The following PCDH9 variants were observed in gnomAD, a reference collection of about 807,000 sequenced individuals.
PCDH9 encodes the protein protocadherin 9, also known as protocadherin-9.
PCDH9 carries 24 observed loss-of-function variants against 70.6 expected under a neutral mutation model. The observed-to-expected ratio is 0.34, with a 90% CI of 0.25 to 0.48. PCDH9 has a LOEUF of 0.48. Among genes scored for constraint, PCDH9 ranks in the 20% least tolerant of loss-of-function variants. The pLI, the probability that PCDH9 is intolerant of heterozygous loss-of-function variation, is 0.99. For synonymous variants in PCDH9, 562 were observed against 558.5 expected, an observed-to-expected ratio of 1.01 and a Z score of -0.09; for missense variants, 1,281 against 1,503.6, an observed-to-expected ratio of 0.85 and a Z score of 2.45.
intron 4 of PCDH9, among the ~76,000 whole-genome samples, chr13:66,550,168 T>A (rs945119799): frequency 1.3e-5 from 2 of 152,068 alleles, no homozygotes; most frequent in African/African-American, 2.4e-5. Context: ...ATATTCTTAT[T>A]TGCTTAATGT....
At chr13:66,855,231 T>A (rs887209200) in intron 3 of PCDH9, among the ~76,000 whole-genome samples, 5 of 152,138 alleles carry the variant, frequency 3.3e-5, no homozygotes, top group African/African-American at 1.2e-4. Flanking sequence ...TATTTAACAA[T>A]AATGTGAATT....
At chr13:67,150,601 T>C (rs889658617) in intron 2 of PCDH9, among the ~76,000 whole-genome samples, 3 of 152,242 alleles carry the variant, frequency 2.0e-5, no homozygotes, top group African/African-American at 7.2e-5. Context: ...TTTTAAGTCA[T>C]GTGATTCTTA....
intron 4 of PCDH9, among the ~76,000 whole-genome samples, chr13:66,452,199 T>C (rs934937266): frequency 1.3e-5 from 2 of 152,180 alleles, no homozygotes; most frequent in Non-Finnish European, 1.5e-5. Flanking sequence ...AAAATGCTTT[T>C]TGAGGAGAGG....
At chr13:66,637,538 C>T (rs1345303613) in intron 3 of PCDH9, among the ~76,000 whole-genome samples, 1 of 152,052 alleles carries the variant, frequency 6.6e-6, no homozygotes, top group Non-Finnish European at 1.5e-5. Flanking sequence ...ATTTTCTATG[C>T]TGTTTATTGG....
At chr13:66,358,785 CAT>C (rs1956424377) in intron 4 of PCDH9, among the ~76,000 whole-genome samples, 1 of 151,966 alleles carries the variant, frequency 6.6e-6, no homozygotes, top group Non-Finnish European at 1.5e-5. Flanking sequence ...TGCTGTTTTT[CAT>C]ATGAGGATAA....
At chr13:67,222,314 T>C (rs1566506496) in intron 2 of PCDH9, 6 of 148,492 alleles carry the variant, frequency 4.0e-5, no homozygotes, top group Admixed American at 2.0e-4. Context: ...ATTCTTAACC[T>C]ATAAAGGCTA....
At chr13:66,515,493 T>G (rs933831463) in intron 4 of PCDH9, among the ~76,000 whole-genome samples, 4 of 151,934 alleles carry the variant, frequency 2.6e-5, no homozygotes, top group Admixed American at 6.6e-5. Context: ...AAAACAATTA[T>G]CATATACGGT....
intron 2 of PCDH9, among the ~76,000 whole-genome samples, chr13:67,093,846 T>G (rs1043401481): frequency 6.6e-6 from 1 of 152,306 alleles, no homozygotes; most frequent in South Asian, 2.1e-4. Flanking sequence ...ACTAACAAGT[T>G]CCAATATTAT....
At chr13:66,315,051 G>A (rs1392926095) in intron 4 of PCDH9, among the ~76,000 whole-genome samples, 2 of 152,152 alleles carry the variant, frequency 1.3e-5, no homozygotes, top group African/African-American at 4.8e-5. Context: ...GATTCAATTG[G>A]CAATTGCTGG....
chr13:67,030,462 T>C (rs2084882268), intron 2 of PCDH9, among the ~76,000 whole-genome samples: 1 of 151,856 alleles, frequency 6.6e-6, no homozygotes, highest in Non-Finnish European at 1.5e-5. Flanking sequence ...TTTGTACCCA[T>C]TAACCAACCT....
intron 4 of PCDH9, among the ~76,000 whole-genome samples, chr13:66,523,518 C>A (rs1408616083): frequency 2.6e-5 from 4 of 151,760 alleles, no homozygotes; most frequent in Non-Finnish European, 4.4e-5. Context: ...TTTTGCCAAA[C>A]GAAGATTCAG....
chr13:66,697,558 C>A, intron 3 of PCDH9, among the ~76,000 whole-genome samples: 1 of 152,084 alleles, frequency 6.6e-6, no homozygotes, highest in South Asian at 2.1e-4. Flanking sequence ...TCAATAGGAG[C>A]ATTATTGACA....
At chr13:66,596,609 G>A (rs1450610694) in intron 4 of PCDH9, among the ~76,000 whole-genome samples, 1 of 151,578 alleles carries the variant, frequency 6.6e-6, no homozygotes, top group Non-Finnish European at 1.5e-5. Flanking sequence ...TTAAATGGAT[G>A]CATCAAATAC....
intron 3 of PCDH9, among the ~76,000 whole-genome samples, chr13:66,647,020 C>A (rs2077780566): frequency 1.3e-5 from 2 of 152,226 alleles, no homozygotes; most frequent in East Asian, 1.9e-4. Flanking sequence ...CCAGCCCTAG[C>A]CAGAGGGGAA....
chr13:66,671,449 G>A (rs1248651169), intron 3 of PCDH9, among the ~76,000 whole-genome samples: 2 of 152,162 alleles, frequency 1.3e-5, no homozygotes, highest in African/African-American at 2.4e-5. Context: ...GTGACTTGGA[G>A]GGCTCAGAAG....
Position 66,876,717 on chromosome 13 carries a change from A to G in PCDH9, c.3138+26787T>C, listed in dbSNP as rs2081818171. On this transcript the variant is annotated intron_variant, in intron 3 of 4. Coordinates refer to ENST00000377865, the MANE Select transcript of PCDH9 (RefSeq NM_203487.3). ...ATTAATTTTTGAAATCAGTAGAGAA[A>G]AGAGGTTTCTAGAGATTAAAATACT... is the stretch of plus-strand genomic sequence containing the variant. 2 of 152,150 alleles carry G rather than the reference A, an allele frequency of 1.3e-5. 1 individual carries two copies. Among genetic ancestry groups the G allele is most frequent in the South Asian group, 4.1e-4 (2 of 4,832 alleles). The allele number at this position is 152,150 out of a possible 1,614,324, so 9.4% of individuals were successfully genotyped here.
chr13:66,828,797 T>C (rs1341786926), intron 3 of PCDH9, among the ~76,000 whole-genome samples: 1 of 141,688 alleles, frequency 7.1e-6, no homozygotes, highest in Non-Finnish European at 1.5e-5. Context: ...AATTTTGTTG[T>C]AAGCCATACA....
chr13:66,833,926 T>TAG (rs1167340568), intron 3 of PCDH9, among the ~76,000 whole-genome samples: 4 of 152,294 alleles, frequency 2.6e-5, no homozygotes, highest in African/African-American at 9.6e-5. Flanking sequence ...GCTGGTTGAA[T>TAG]AGCTGATAAT....
At chr13:67,177,145 A>G (rs1232420222) in intron 2 of PCDH9, among the ~76,000 whole-genome samples, 2 of 152,164 alleles carry the variant, frequency 1.3e-5, no homozygotes, top group East Asian at 1.9e-4. Flanking sequence ...ATAATACAAG[A>G]TTTCTAATAT....
Sources: gnomAD v4.1 joint callset for allele counts (sites outside exome capture counted in the v4.1 genomes callset) on GRCh38, gnomAD v4.1.1 for gene constraint, MANE v1.5 for transcripts, NCBI Gene and HGNC (gene_info 2026-07-23, HGNC 2026-07-21) for gene names.